The following AHI1 variants were observed in gnomAD, a reference collection of about 807,000 sequenced individuals.
AHI1 encodes Abelson helper integration site 1.
AHI1 carries 123 observed loss-of-function variants against 149.3 expected under a neutral mutation model. The observed-to-expected ratio is 0.82, with a 90% CI of 0.71 to 0.96. The LOEUF is 0.96. AHI1 is among the 40% of genes least tolerant of loss of function. The pLI, the probability that AHI1 is intolerant of heterozygous loss-of-function variation, is 0.00. For missense variants in AHI1, 1,439 were observed against 1,422.7 expected, an observed-to-expected ratio of 1.01 and a Z score of -0.18; for synonymous variants, 475 against 459.8, an observed-to-expected ratio of 1.03 and a Z score of -0.42.
intron 3 of AHI1, chr6:135,492,821 T>C (rs1795438845): frequency 1.0e-6 from 1 of 985,250 alleles, no homozygotes; most frequent in Admixed American, 6.1e-5. Flanking sequence ...GGATGTGTAT[T>C]ACTGTGTCAG....
intron 26 of AHI1, among the ~76,000 whole-genome samples, chr6:135,315,502 C>T (rs1002662478): frequency 5.9e-5 from 9 of 152,164 alleles, no homozygotes; most frequent in African/African-American, 2.2e-4. Flanking sequence ...TCTGGTAATT[C>T]TTACCAATTC....
intron 24 of AHI1, among the ~76,000 whole-genome samples, chr6:135,350,905 A>G (rs1791992723): frequency 6.6e-6 from 1 of 152,148 alleles, no homozygotes; most frequent in African/African-American, 2.4e-5. Context: ...TCCTAAACAT[A>G]AGGAGAAGTT....
intron 22 of AHI1, among the ~76,000 whole-genome samples, chr6:135,395,860 A>G (rs1319486678): frequency 2.0e-5 from 3 of 151,342 alleles, no homozygotes; most frequent in Non-Finnish European, 3.0e-5. Flanking sequence ...CCCCTTTCCC[A>G]TTTTTTTGTT....
chr6:135,337,691 G>T (rs1344464770), intron 24 of AHI1, among the ~76,000 whole-genome samples: 3 of 151,392 alleles, frequency 2.0e-5, no homozygotes, highest in African/African-American at 7.3e-5. Flanking sequence ...GAACCCAGGA[G>T]GTCAAGGCTG....
intron 21 of AHI1, among the ~76,000 whole-genome samples, chr6:135,408,874 G>A (rs1258401554): frequency 6.6e-6 from 1 of 152,054 alleles, no homozygotes; most frequent in East Asian, 1.9e-4. Flanking sequence ...TACTACATTT[G>A]ACCATTTATC....
chr6:135,312,919 T>TA lies in AHI1; in HGVS notation c.3426+5599dup, dbSNP rs879845003. 3.2e-4 allele frequency among the ~76,000 whole-genome samples: 48 copies of TA among 151,938 alleles called. 1 individual carries two copies. Among genetic ancestry groups the TA allele is most frequent in the Non-Finnish European group, 1.9e-4 (13 of 67,984 alleles). On this transcript the variant is annotated intron_variant, in intron 26 of 28. Coordinates refer to ENST00000265602, the MANE Select transcript of AHI1 (RefSeq NM_001134831.2). ...ACAGACGACTTTTCATGTTCTTTCTTAAAAAAAAGTGATAATAAAAATAAG... is the reference window on the plus strand; with the variant it reads ...ACAGACGACTTTTCATGTTCTTTCTTAAAAAAAAAGTGATAATAAAAATAAG...
At chr6:135,326,984 C>T (rs947789991) in intron 24 of AHI1, among the ~76,000 whole-genome samples, 1 of 152,192 alleles carries the variant, frequency 6.6e-6, no homozygotes, top group African/African-American at 2.4e-5. Flanking sequence ...TAAGTGAGAA[C>T]ACGTAGTATT....
chr6:135,485,461 A>G (rs1583481281), intron 5 of AHI1, among the ~76,000 whole-genome samples: 1 of 152,352 alleles, frequency 6.6e-6, no homozygotes, highest in East Asian at 1.9e-4. Context: ...AACTAAAGAA[A>G]TCATCCACTG....
In AHI1 at chr6:135,431,227, T is replaced by G; in HGVS notation, c.2354A>C (p.His785Pro). 6.3e-7 allele frequency: 1 copy of G among 1,598,890 alleles called. No individual in the cohort carries two copies. ...TTATACCTTATTTATAGTCCAGTGG[T>G]GCACTGAATGTTCCAAATCATTAAT... ...VKINDLEHSV[H>P]HWTINKEIKE... Residue 785 changes from histidine to proline, a missense_variant, in exon 17 of 29, where the codon CAC becomes CCC. Transcript: ENST00000265602.
intron 5 of AHI1, among the ~76,000 whole-genome samples, chr6:135,484,238 G>C (rs1794151555): frequency 6.6e-6 from 1 of 152,102 alleles, no homozygotes; most frequent in Non-Finnish European, 1.5e-5. Flanking sequence ...TGACACACGG[G>C]AATTTTGGGA....
intron 27 of AHI1, among the ~76,000 whole-genome samples, chr6:135,295,258 C>A (rs1782938440): frequency 6.6e-6 from 1 of 152,156 alleles, no homozygotes; most frequent in South Asian, 2.1e-4. Context: ...ATTAGAAGGA[C>A]TGACCATATC....
rs550943792 is a variant in AHI1 at position 135,358,087 on chromosome 6, G to A, written c.3165+45C>T. ...CTGTAACTATAACCAGTATAATTTT[G>A]TACTTTCTTAACACTTTTAACAACG... is the stretch of plus-strand genomic sequence containing the variant. On this transcript the variant is annotated intron_variant, in intron 24 of 28. Transcript: ENST00000265602. 8 of 1,559,546 alleles carry A rather than the reference G, an allele frequency of 5.1e-6. No homozygotes were observed. The African/African-American group carries it at 9.5e-5, about 19-fold the overall frequency.
chr6:135,346,082 T>G (rs905027427), intron 24 of AHI1, among the ~76,000 whole-genome samples: 1 of 152,156 alleles, frequency 6.6e-6, no homozygotes, highest in Non-Finnish European at 1.5e-5. Flanking sequence ...AAAGTATTGC[T>G]CATAAGACCA....
chr6:135,394,730 G>GCATCTGAACA (rs2128484880), intron 23 of AHI1, 46 bp downstream of exon 23: 1 of 1,602,664 alleles, frequency 6.2e-7, no homozygotes, highest in East Asian at 2.2e-5. Context: ...AACACAACAA[G>GCATCTGAACA]CATCTGAACA....
chr6:135,433,211 T>C lies in AHI1; in HGVS notation c.2082A>G (p.Leu694=). Residue 694 remains leucine, a synonymous_variant, in exon 16 of 29, where the codon TTA becomes TTG. Transcript: ENST00000265602. Reference sequence around the variant, plus strand: ...CCGTGTAAACAAAAGAAGGATGAGGTAAAACTCTGAAAGTATTTGTATTGT... The same window carrying C: ...CCGTGTAAACAAAAGAAGGATGAGGCAAAACTCTGAAAGTATTTGTATTGT... ...EINNTNTFRV[L]PHPSFVYTAK... 6.2e-7 allele frequency: 1 copy of C among 1,612,074 alleles called. No individual in the cohort carries two copies. The highest frequency in any genetic ancestry group is 8.5e-7 in the Non-Finnish European group (1 of 1,178,220).
At chr6:135,434,043 T>C (rs985880632) in intron 15 of AHI1, among the ~76,000 whole-genome samples, 5 of 152,044 alleles carry the variant, frequency 3.3e-5, no homozygotes, top group African/African-American at 4.8e-5. Flanking sequence ...ACAGGTGCTA[T>C]ATAAGTGTGA....
At chr6:135,404,488 G>A (rs1780474018) in intron 22 of AHI1, among the ~76,000 whole-genome samples, 1 of 152,086 alleles carries the variant, frequency 6.6e-6, no homozygotes, top group African/African-American at 2.4e-5. Context: ...TTATTATACA[G>A]TATAGTTAAA....
Position 135,285,464 on chromosome 6 carries a change from G to A in AHI1, c.*181C>T, listed in dbSNP as rs962869353. 8 of 674,436 alleles carry A rather than the reference G, an allele frequency of 1.2e-5. No individual in the cohort carries two copies. Among genetic ancestry groups the A allele is most frequent in the African/African-American group, 9.1e-5 (5 of 55,026 alleles). 41.8% of individuals were successfully genotyped at this position (674,436 alleles called of 1,614,324 possible). A position where few individuals can be genotyped will look rare whatever the true frequency, so the allele number is the denominator to read the frequency against. On this transcript the variant is annotated 3_prime_UTR_variant, in exon 29 of 29. Coordinates refer to ENST00000265602, the MANE Select transcript of AHI1 (RefSeq NM_001134831.2). ...TATAACAACTGAACTCAAAGGCCAC[G>A]TTGATTTTTCCACCCACAACTTGAT...
chr6:135,334,210 G>A (rs1422995924), intron 24 of AHI1, among the ~76,000 whole-genome samples: 2 of 152,122 alleles, frequency 1.3e-5, no homozygotes, highest in African/African-American at 2.4e-5. Flanking sequence ...CTGAATGTTT[G>A]TGCCCCTCAA....
Sources: allele counts gnomAD v4.1 joint callset (sites outside exome capture counted in the v4.1 genomes callset), GRCh38; gene constraint gnomAD v4.1.1; transcripts MANE v1.5; gene names NCBI Gene and HGNC (gene_info 2026-07-23, HGNC 2026-07-21).